The following OPCML variants were observed in gnomAD, a reference collection of about 807,000 sequenced individuals.
OPCML encodes opioid binding protein/cell adhesion molecule like.
In OPCML, 13 loss-of-function variants were observed where a neutral mutation model predicts 37.8. The observed-to-expected ratio is 0.34, with a 90% CI of 0.22 to 0.55. The LOEUF (loss-of-function observed/expected upper bound fraction) is 0.55, where lower values mean the gene tolerates loss of function less well. Ranked by LOEUF, OPCML falls within the 20% of genes least tolerant of loss-of-function variation. OPCML has a pLI of 0.91. For missense variants in OPCML, 341 were observed against 435.6 expected (o/e 0.78, Z 1.93); for synonymous variants, 176 against 168.8 (o/e 1.04, Z -0.33).
chr11:133,439,570 T>G (rs937884879), intron 1 of OPCML, among the ~76,000 whole-genome samples: 1 of 152,036 alleles, frequency 6.6e-6, no homozygotes, highest in Non-Finnish European at 1.5e-5. Context: ...CAGGTTCACG[T>G]CATTCTCCTG....
chr11:133,425,391 C>A (rs1211954357), intron 1 of OPCML, among the ~76,000 whole-genome samples: 1 of 152,226 alleles, frequency 6.6e-6, no homozygotes, highest in African/African-American at 2.4e-5. Flanking sequence ...TGCAGGTTCA[C>A]TGCCCTTCCG....
intron 1 of OPCML, among the ~76,000 whole-genome samples, chr11:133,481,287 A>AAAT (rs573490570): frequency 6.1e-4 from 93 of 152,230 alleles, no homozygotes; most frequent in South Asian, 1.2e-3. Context: ...AAAGACCCTT[A>AAAT]AATAATAAGA....
chr11:133,152,573 C>G (rs1016412242), intron 1 of OPCML, among the ~76,000 whole-genome samples: 2 of 151,858 alleles, frequency 1.3e-5, no homozygotes, highest in Admixed American at 1.3e-4. Context: ...CTCCTGATCC[C>G]CCCCCAACCT....
chr11:133,441,673 A>G (rs1305210383), intron 1 of OPCML, among the ~76,000 whole-genome samples: 1 of 152,194 alleles, frequency 6.6e-6, no homozygotes, highest in Non-Finnish European at 1.5e-5. Flanking sequence ...CTTTGAAAGA[A>G]TAAGTCATAG....
At chr11:132,632,059 G>A (rs1303804302) in intron 3 of OPCML, among the ~76,000 whole-genome samples, 1 of 151,764 alleles carries the variant, frequency 6.6e-6, no homozygotes, top group Non-Finnish European at 1.5e-5. Flanking sequence ...GATCAGGGCT[G>A]GGCTGTTAAA....
At chr11:132,444,607 T>A (rs970767070) in intron 4 of OPCML, among the ~76,000 whole-genome samples, 3 of 152,160 alleles carry the variant, frequency 2.0e-5, no homozygotes, top group African/African-American at 7.2e-5. Flanking sequence ...CAGTATGTGT[T>A]CACATTATGC....
At chr11:133,340,490 T>G (rs1369783954) in intron 1 of OPCML, among the ~76,000 whole-genome samples, 1 of 150,852 alleles carries the variant, frequency 6.6e-6, no homozygotes, top group Non-Finnish European at 1.5e-5. Context: ...ATAACTATTC[T>G]AGCCCACAAA....
At chr11:132,854,284 A>G (rs1004487611) in intron 2 of OPCML, among the ~76,000 whole-genome samples, 35 of 152,242 alleles carry the variant, frequency 2.3e-4, no homozygotes, top group African/African-American at 8.4e-4. Context: ...GTTGGGGTGC[A>G]CCATCCTCCT....
At chr11:133,108,337 A>T (rs10791281) in intron 1 of OPCML, among the ~76,000 whole-genome samples, 68,865 of 151,910 alleles carry the variant, frequency 0.45, 17,225 homozygotes, top group Admixed American at 0.56. Context: ...TATAGGATTC[A>T]AAGTGCACAG....
chr11:132,611,680 G>A (rs1376616069), intron 3 of OPCML, among the ~76,000 whole-genome samples: 1 of 152,132 alleles, frequency 6.6e-6, no homozygotes, highest in East Asian at 1.9e-4. Context: ...GATGTGTGTG[G>A]GGAGAAAGGG....
chr11:133,270,148 A>C (rs1347200595), intron 1 of OPCML, among the ~76,000 whole-genome samples: 1 of 152,184 alleles, frequency 6.6e-6, no homozygotes, highest in Admixed American at 6.5e-5. Context: ...TTTTATGTTT[A>C]ATTTCAAGTT....
chr11:133,380,727 C>T (rs1944912084), intron 1 of OPCML, among the ~76,000 whole-genome samples: 1 of 152,138 alleles, frequency 6.6e-6, no homozygotes, highest in Non-Finnish European at 1.5e-5. Flanking sequence ...TCCCAGCCTG[C>T]CAGTTTCGTT....
At chr11:132,999,435 T>C (rs1946950753) in intron 1 of OPCML, among the ~76,000 whole-genome samples, 1 of 151,976 alleles carries the variant, frequency 6.6e-6, no homozygotes, top group Admixed American at 6.5e-5. Context: ...GGCAGTTTGG[T>C]GTGAAATTGG....
chr11:133,023,799 T>C (rs1477047110), intron 1 of OPCML, among the ~76,000 whole-genome samples: 1 of 152,226 alleles, frequency 6.6e-6, no homozygotes, highest in Non-Finnish European at 1.5e-5. Flanking sequence ...TGAGTCTACT[T>C]GATGTGAGCT....
chr11:132,868,894 G>A (rs1265623169), intron 2 of OPCML, among the ~76,000 whole-genome samples: 3 of 152,188 alleles, frequency 2.0e-5, no homozygotes, highest in Admixed American at 1.3e-4. Context: ...GTATGCATAC[G>A]TGAGTGCCTG....
intron 2 of OPCML, among the ~76,000 whole-genome samples, chr11:132,898,974 T>G (rs2659605): frequency 1.3e-5 from 2 of 151,882 alleles, no homozygotes; most frequent in East Asian, 3.9e-4. Flanking sequence ...TAAGGAAGAC[T>G]ATGCCTGGAA....
At chr11:132,497,439 C>T (rs1324605548) in intron 4 of OPCML, among the ~76,000 whole-genome samples, 2 of 150,588 alleles carry the variant, frequency 1.3e-5, no homozygotes, top group African/African-American at 2.4e-5. Flanking sequence ...AAGAAAAATG[C>T]TATGGAAAAA....
intron 2 of OPCML, among the ~76,000 whole-genome samples, chr11:132,919,909 C>T (rs958502253): frequency 6.6e-6 from 1 of 152,100 alleles, no homozygotes; most frequent in Non-Finnish European, 1.5e-5. Flanking sequence ...GCGTATTGTG[C>T]GAGTCCACAT....
At chr11:132,730,754 G>C (rs1359701658) in intron 2 of OPCML, among the ~76,000 whole-genome samples, 2 of 151,974 alleles carry the variant, frequency 1.3e-5, no homozygotes, top group African/African-American at 4.8e-5. Flanking sequence ...ACAGAAAGTG[G>C]TTGAAATCTG....
Sources: allele counts gnomAD v4.1 joint callset (sites outside exome capture counted in the v4.1 genomes callset), GRCh38; gene constraint gnomAD v4.1.1; transcripts MANE v1.5; gene names NCBI Gene and HGNC (gene_info 2026-07-23, HGNC 2026-07-21).